Variants in GSPT1 observed in about 807,000 individuals in gnomAD.
The protein encoded by GSPT1 is G1 to S phase transition 1.
A neutral mutation model predicts 72.5 loss-of-function variants in GSPT1; 20 were observed. The ratio of observed to expected loss-of-function variants is 0.28; its 90% CI spans 0.19 to 0.40. GSPT1 has a LOEUF of 0.40. Among genes scored for constraint, GSPT1 ranks in the 10% least tolerant of loss-of-function variants. GSPT1 has a pLI of 1.00. For synonymous variants in GSPT1, 334 were observed against 293.5 expected, an observed-to-expected ratio of 1.14 and a Z score of -1.41; for missense variants, 580 against 811.9, an observed-to-expected ratio of 0.71 and a Z score of 3.47.
In GSPT1 at chr16:11,869,449, G is replaced by T. The variant is rs182396836; in HGVS notation, c.*3670C>A. The T allele has an allele frequency of 2.0e-5, 3 of 152,336 alleles. No homozygotes were observed. Among genetic ancestry groups the T allele is most frequent in the Admixed American group, 2.0e-4 (3 of 15,294 alleles). The allele number at this position is 152,336 out of a possible 1,614,324, so 9.4% of individuals were successfully genotyped here. On this transcript the variant is annotated 3_prime_UTR_variant, in exon 15 of 15. Transcript: ENST00000434724. ...TAATTGTCCCCTGAATCCACTGGTT[G>T]TTCTCTTCCTTACCTATGTCTGTGA...
chr16:11,889,627 C>T (rs944193631), intron 6 of GSPT1, among the ~76,000 whole-genome samples: 15 of 140,896 alleles, frequency 1.1e-4, no homozygotes, highest in African/African-American at 3.7e-4. Flanking sequence ...CCTGCCTCAG[C>T]CCCCCGAGTA....
At chr16:11,912,550 G>A (rs187963318) in intron 1 of GSPT1, among the ~76,000 whole-genome samples, 1 of 152,136 alleles carries the variant, frequency 6.6e-6, no homozygotes, top group African/African-American at 2.4e-5. Context: ...ATGGCAGTGA[G>A]TTCTGAGAAG....
rs773810638 is a variant in GSPT1, at chr16:11,869,317, G to A, written c.*3802C>T. 12 of 152,136 alleles carry A rather than the reference G, an allele frequency of 7.9e-5. No individual in the cohort carries two copies. The highest frequency in any genetic ancestry group is 3.9e-4 in the Admixed American group (6 of 15,272). The allele number at this position is 152,136 out of a possible 1,614,324, so 9.4% of individuals were successfully genotyped here. ...TTACTTAACAAGATGCTGCCATGGC[G>A]AGATCTCTCACGAAAGAAACAAGAT... On this transcript the variant is annotated 3_prime_UTR_variant, in exon 15 of 15. Coordinates refer to ENST00000434724, the MANE Select transcript of GSPT1 (RefSeq NM_002094.4).
At chr16:11,891,311 T>A (rs1486613225) in intron 5 of GSPT1, among the ~76,000 whole-genome samples, 172 bp from the exon 6 acceptor site, 5 of 147,868 alleles carry the variant, frequency 3.4e-5, no homozygotes, top group Non-Finnish European at 7.4e-5. Context: ...AACATATTTT[T>A]ATATAAAATA....
rs372895407 is a variant in GSPT1, at chr16:11,915,944, C to A, written c.-224G>T. On this transcript the variant is annotated 5_prime_UTR_variant, in exon 1 of 15. Transcript: ENST00000434724. ...GCGGCGGCAGCTCAACCCTCCTCCT[C>A]GTGTGTGTGAGCGGATCTCCTCCCA... 1.3e-4 allele frequency: 95 copies of A among 744,474 alleles called. 3 individuals are homozygous for A. The highest frequency in any genetic ancestry group is 6.9e-4 in the South Asian group (51 of 73,746). 46.1% of individuals were successfully genotyped at this position (744,474 alleles called of 1,614,324 possible).
At chr16:11,911,390 C>T in intron 1 of GSPT1, among the ~76,000 whole-genome samples, 1 of 152,014 alleles carries the variant, frequency 6.6e-6, no homozygotes, top group East Asian at 1.9e-4. Flanking sequence ...TGTATGTACA[C>T]TTTACTTTTC....
rs900739658 is a variant in GSPT1, at chr16:11,868,366, T to TG, written c.*4752_*4753insC. The TG allele has an allele frequency of 2.0e-5, 3 of 151,374 alleles. No individual in the cohort carries two copies. Among genetic ancestry groups the TG allele is most frequent in the Non-Finnish European group, 4.4e-5 (3 of 67,854 alleles). 9.4% of individuals were successfully genotyped at this position (151,374 alleles called of 1,614,324 possible). A position where few individuals can be genotyped will look rare whatever the true frequency, so the allele number is the denominator to read the frequency against. On this transcript the variant is annotated 3_prime_UTR_variant, in exon 15 of 15. Transcript: ENST00000434724. The stretch of plus-strand genomic sequence containing the variant: ...TCAGTTCCCTTTAATCCTGTTTTTT[T>TG]TTTTTTTTTTTAAATGAGATCTAGG...
In GSPT1 at chr16:11,896,685, C is replaced by T. The variant is rs768832671; in HGVS notation, c.537G>A (p.Arg179=). 49 of 1,607,788 alleles carry T rather than the reference C, an allele frequency of 3.0e-5. No homozygotes were observed. Among genetic ancestry groups the T allele is most frequent in the Non-Finnish European group, 3.7e-5 (44 of 1,176,972 alleles). ...EPGGGSLGDG[R]PPEESAHEMM... ...TTTCATGGGCACTTTCCTCTGGCGG[C>T]CTTCCATCTCCCAAGGAACCACCCC... Residue 179 remains arginine (R), a synonymous_variant, in exon 4 of 15, where the codon AGG becomes AGA. Transcript: ENST00000434724.
At chr16:11,895,987 G>C (rs1351228050) in intron 4 of GSPT1, among the ~76,000 whole-genome samples, 2 of 152,194 alleles carry the variant, frequency 1.3e-5, no homozygotes, top group Admixed American at 1.3e-4. Context: ...TTTCATATCT[G>C]GGGGGAAGGC....
intron 14 of GSPT1, among the ~76,000 whole-genome samples, chr16:11,875,172 G>T (rs916257217): frequency 3.3e-5 from 5 of 151,882 alleles, no homozygotes; most frequent in Non-Finnish European, 7.4e-5. Flanking sequence ...CTGGGTGACA[G>T]ATCGAGACTC....
intron 5 of GSPT1, among the ~76,000 whole-genome samples, chr16:11,892,530 A>AAAAAAAAAAAAAT (rs2054279104): frequency 6.8e-6 from 1 of 146,432 alleles, no homozygotes; most frequent in African/African-American, 2.6e-5. Context: ...AAACAAAAAA[A>AAAAAAAAAAAAAT]ACAAAAAATA....
upstream of GSPT1, chr16:11,916,088 T>C (rs2054634571): frequency 4.2e-5 from 21 of 501,692 alleles, 3 homozygotes; most frequent in South Asian, 3.0e-4. Flanking sequence ...TTTCCGGCTA[T>C]TTAGCGCGGC....
intron 5 of GSPT1, among the ~76,000 whole-genome samples, chr16:11,894,373 A>G (rs1483084044): frequency 2.0e-5 from 3 of 151,934 alleles, no homozygotes; most frequent in Non-Finnish European, 2.9e-5. Flanking sequence ...GGAAATTTCT[A>G]TAATACGATC....
At chr16:11,882,869 G>A (rs771668285) in intron 11 of GSPT1, 146 bp downstream of exon 11, 4 of 590,858 alleles carry the variant, frequency 6.8e-6, no homozygotes, top group Non-Finnish European at 1.2e-5. Context: ...AGGCTCAGGT[G>A]GCAGGATTGC....
At chr16:11,896,426 A>C in intron 4 of GSPT1, 132 bp downstream of exon 4, 1 of 662,634 alleles carries the variant, frequency 1.5e-6, no homozygotes, top group Non-Finnish European at 2.5e-6. Flanking sequence ...CAGCTAAAAA[A>C]AATCAGCAAG....
chr16:11,894,155 C>CAAAAAAAAAAAAAAAAA (rs57226427), intron 5 of GSPT1, among the ~76,000 whole-genome samples: 8 of 42,674 alleles, frequency 1.9e-4, no homozygotes, highest in African/African-American at 7.1e-4. Flanking sequence ...GACCCTATCT[C>CAAAAAAAAAAAAAAAAA]AAAAAAAAAA....
At chr16:11,887,428 T>A in intron 7 of GSPT1, 142 bp downstream of exon 7, 1 of 658,362 alleles carries the variant, frequency 1.5e-6, no homozygotes, top group South Asian at 2.0e-5. Context: ...GAAGAGAGAT[T>A]AGTATGATGA....
chr16:11,892,531 A>AAAAAAAC (rs1567443313), intron 5 of GSPT1, among the ~76,000 whole-genome samples: 2 of 139,940 alleles, frequency 1.4e-5, no homozygotes, highest in East Asian at 2.3e-4. Context: ...AACAAAAAAA[A>AAAAAAAC]CAAAAAATAA....
At chr16:11,889,430 CA>C (rs1004009380) in intron 6 of GSPT1, among the ~76,000 whole-genome samples, 1 of 148,458 alleles carries the variant, frequency 6.7e-6, no homozygotes, top group African/African-American at 2.5e-5. Flanking sequence ...CTCTGCTTCC[CA>C]GGTTCCAGCT....
Sources: gnomAD v4.1 joint callset for allele counts (sites outside exome capture counted in the v4.1 genomes callset) on GRCh38, gnomAD v4.1.1 for gene constraint, MANE v1.5 for transcripts, NCBI Gene and HGNC (gene_info 2026-07-23, HGNC 2026-07-21) for gene names.